The following TMOD2 variants were observed in gnomAD, a reference collection of about 807,000 sequenced individuals.
The protein encoded by TMOD2 is tropomodulin 2.
In TMOD2, 22 loss-of-function variants were observed where a neutral mutation model predicts 39.9. The ratio of observed to expected loss-of-function variants is 0.55; its 90% CI spans 0.39 to 0.79. The LOEUF is 0.79. Ranked by LOEUF, TMOD2 falls within the 30% of genes least tolerant of loss-of-function variation. The probability of loss-of-function intolerance (pLI) is 0.00; values close to 1 mark genes in which losing one functional copy is unlikely to be tolerated. For synonymous variants in TMOD2, 123 were observed against 146.1 expected, an observed-to-expected ratio of 0.84 and a Z score of 1.14; for missense variants, 386 against 413.3, an observed-to-expected ratio of 0.93 and a Z score of 0.57.
At chr15:51,784,679 G>C (rs756025975) in intron 7 of TMOD2, 1 of 152,214 alleles carries the variant, frequency 6.6e-6, no homozygotes, top group Non-Finnish European at 1.5e-5. Flanking sequence ...GGCAGAACTA[G>C]ATAATTGGTA....
intron 2 of TMOD2, chr15:51,766,965 AT>A (rs2055820474): frequency 6.5e-6 from 1 of 154,778 alleles, no homozygotes; most frequent in African/African-American, 2.4e-5. Context: ...GGTAATTTAT[AT>A]AAGATTCCAC....
In TMOD2 at chr15:51,811,409, A is replaced by G. The variant is rs1437935358; in HGVS notation, c.*2955A>G. ...CCAGGCCTATCTCCCTCCCCCTTTT[A>G]GAGTTGTGCAGGTCCACTTTAAGTG... On this transcript the variant is annotated 3_prime_UTR_variant, in exon 10 of 10. Coordinates refer to ENST00000249700, the MANE Select transcript of TMOD2 (RefSeq NM_014548.4). The G allele has an allele frequency of 2.6e-5, 4 of 152,170 alleles. No individual in the cohort carries two copies. The allele number at this position is 152,170 out of a possible 1,614,324, so 9.4% of individuals were successfully genotyped here. A position where few individuals can be genotyped will look rare whatever the true frequency, so the allele number is the denominator to read the frequency against.
In TMOD2 at chr15:51,809,717, C is replaced by T. The variant is rs1240940559; in HGVS notation, c.*1263C>T. On this transcript the variant is annotated 3_prime_UTR_variant, in exon 10 of 10. Transcript: ENST00000249700. ...TTCTGACACTGCCCAAGGCAACTCA[C>T]CCTCTATTCCTCCTTTCTCCCCTCC... 2.0e-5 allele frequency: 3 copies of T among 152,048 alleles called. No homozygotes were observed. The highest frequency in any genetic ancestry group is 1.3e-4 in the Admixed American group (2 of 15,264). 9.4% of individuals were successfully genotyped at this position (152,048 alleles called of 1,614,324 possible).
intron 7 of TMOD2, among the ~76,000 whole-genome samples, chr15:51,790,198 C>T (rs1440433380): frequency 6.6e-6 from 1 of 152,162 alleles, no homozygotes; most frequent in East Asian, 1.9e-4. Flanking sequence ...CACAGAAATA[C>T]AAACTATCAT....
In TMOD2 at chr15:51,781,100, A is replaced by G. The variant is rs767552883; in HGVS notation, c.550A>G (p.Asn184Asp). 5.0e-6 allele frequency: 8 copies of G among 1,612,798 alleles called. 1 individual carries two copies. The South Asian group carries it at 8.8e-5, about 18-fold the overall frequency. Residue 184 changes from asparagine to aspartate, a missense_variant, in exon 6 of 10, where the codon AAT becomes GAT. Transcript: ENST00000249700. ...ATTTGAGGAACCACCAAATCCCACAAATGTGGAAATAAGCCTGCAGCAGAT... is the reference window on the plus strand; with the variant it reads ...ATTTGAGGAACCACCAAATCCCACAGATGTGGAAATAAGCCTGCAGCAGAT... Reference protein sequence around the residue: ...PVFEEPPNPTNVEISLQQMKA... With the variant: ...PVFEEPPNPTDVEISLQQMKA...
In TMOD2 at chr15:51,760,628, A is replaced by G. The variant is rs138065054; in HGVS notation, c.-69-5745A>G. Among the ~76,000 whole-genome samples the G allele has an allele frequency of 6.2e-3, 947 of 152,244 alleles. 7 individuals carry two copies. Among genetic ancestry groups the G allele is most frequent in the African/African-American group, 0.022 (913 of 41,524 alleles). On this transcript the variant is annotated intron_variant, in intron 1 of 9. Coordinates refer to ENST00000249700, the MANE Select transcript of TMOD2 (RefSeq NM_014548.4). Reference sequence around the variant, plus strand: ...AAGACCAGCCTGGGCAACATGGTGAAACCCCATCTCTACTAAAAATACAAA... The same window carrying G: ...AAGACCAGCCTGGGCAACATGGTGAGACCCCATCTCTACTAAAAATACAAA...
chr15:51,801,233 TCTCTCA>T (rs1455198440), intron 8 of TMOD2, among the ~76,000 whole-genome samples: 7 of 97,132 alleles, frequency 7.2e-5, no homozygotes, highest in East Asian at 2.6e-4. Flanking sequence ...TCTCTCTCTC[TCTCTCA>T]CACACACACA....
intron 5 of TMOD2, among the ~76,000 whole-genome samples, chr15:51,778,505 A>G (rs1428268737): frequency 8.3e-6 from 1 of 120,764 alleles, no homozygotes; most frequent in Non-Finnish European, 1.8e-5. Flanking sequence ...AAAATTAAAA[A>G]TTAAAAAAAA....
chr15:51,770,734 G>A (rs760532463), intron 3 of TMOD2, among the ~76,000 whole-genome samples: 2 of 152,150 alleles, frequency 1.3e-5, no homozygotes, highest in African/African-American at 2.4e-5. Flanking sequence ...GAACCCAGGA[G>A]TTCAGGATTG....
intron 1 of TMOD2, among the ~76,000 whole-genome samples, chr15:51,754,506 T>G (rs1305126322): frequency 6.6e-6 from 1 of 152,226 alleles, no homozygotes; most frequent in Non-Finnish European, 1.5e-5. Flanking sequence ...ACACTTAATC[T>G]CTTACACGGA....
Position 51,801,323 on chromosome 15 carries a change from G to T in TMOD2, c.876+2983G>T, listed in dbSNP as rs1421754757. 3.6e-5 allele frequency among the ~76,000 whole-genome samples: 5 copies of T among 138,028 alleles called. 1 individual carries two copies. The highest frequency in any genetic ancestry group is 7.7e-5 in the Non-Finnish European group (5 of 64,982). 90.6% of individuals were successfully genotyped at this position (138,028 alleles called of 152,430 possible). A position where few individuals can be genotyped will look rare whatever the true frequency, so the allele number is the denominator to read the frequency against. The stretch of plus-strand genomic sequence containing the variant: ...CTCTCTCTCTCTCTCTCTAAGAAAA[G>T]ATTTTCTAGAGGAATTGGAAAAAAT... On this transcript the variant is annotated intron_variant, in intron 8 of 9. Transcript: ENST00000249700.
intron 1 of TMOD2, among the ~76,000 whole-genome samples, chr15:51,761,291 CG>C: frequency 6.6e-6 from 1 of 152,052 alleles, no homozygotes. Context: ...AGGTGCTGAC[CG>C]GCTGGACTCA....
intron 3 of TMOD2, among the ~76,000 whole-genome samples, chr15:51,769,190 C>G (rs111395859): frequency 6.6e-6 from 1 of 152,178 alleles, no homozygotes; most frequent in Non-Finnish European, 1.5e-5. Context: ...GAAAACATCT[C>G]GAACCCCAAA....
At chr15:51,781,313 A>G in intron 6 of TMOD2, 139 bp downstream of exon 6, 1 of 718,656 alleles carries the variant, frequency 1.4e-6, no homozygotes, top group Non-Finnish European at 2.2e-6. Flanking sequence ...TCCTATTCAA[A>G]AGAAGTGGGT....
At chr15:51,778,795 C>T (rs147476779) in intron 5 of TMOD2, among the ~76,000 whole-genome samples, 6 of 151,980 alleles carry the variant, frequency 3.9e-5, no homozygotes, top group African/African-American at 1.4e-4. Flanking sequence ...GCTGGGACTA[C>T]AGGCATGTGC....
At chr15:51,752,776 G>A (rs1243478123) in intron 1 of TMOD2, 1 of 152,226 alleles carries the variant, frequency 6.6e-6, no homozygotes, top group African/African-American at 2.4e-5. Flanking sequence ...CTACCCTAGT[G>A]AGGAGGAAAG....
rs762802311 is a variant in TMOD2 at position 51,768,390 on chromosome 15, C to T, written c.255C>T (p.Asp85=). The change falls in exon 3 of 10, where the codon GAC becomes GAT. Residue 85 remains aspartate, a synonymous_variant. Transcript: ENST00000249700. ...KEALEQKDRE[D]FVPFTGEKKG... is the part of the protein sequence containing the mutation. ...CTTTGGAACAGAAAGACAGAGAGGACTTTGTGCCCTTCACTGGAGAAAAGA... is the reference window on the plus strand; with the variant it reads ...CTTTGGAACAGAAAGACAGAGAGGATTTTGTGCCCTTCACTGGAGAAAAGA... 1.9e-6 allele frequency: 3 copies of T among 1,613,860 alleles called. No homozygotes were observed. In the East Asian group the frequency reaches 6.7e-5, roughly 36 times the overall value.
chr15:51,802,497 A>G (rs1022917906), intron 8 of TMOD2, among the ~76,000 whole-genome samples: 1 of 152,240 alleles, frequency 6.6e-6, no homozygotes, highest in African/African-American at 2.4e-5. Flanking sequence ...AATTTAAACT[A>G]CTAGGAAAAT....
intron 4 of TMOD2, among the ~76,000 whole-genome samples, chr15:51,774,681 T>C (rs1403842181): frequency 6.6e-6 from 1 of 152,152 alleles, no homozygotes; most frequent in Non-Finnish European, 1.5e-5. Flanking sequence ...TTGACCATAT[T>C]GACCACTGCA....
Sources: allele counts gnomAD v4.1 joint callset (sites outside exome capture counted in the v4.1 genomes callset), GRCh38; gene constraint gnomAD v4.1.1; transcripts MANE v1.5; gene names NCBI Gene and HGNC (gene_info 2026-07-23, HGNC 2026-07-21).